NFXL1: variants seen among roughly 807,000 people sequenced by gnomAD.
NFXL1 encodes NF-X1-type zinc finger protein NFXL1.
A neutral mutation model predicts 123.3 loss-of-function variants in NFXL1; 66 were observed. The ratio of observed to expected loss-of-function variants is 0.54; its 90% CI spans 0.44 to 0.66. The LOEUF is 0.66. Ranked by LOEUF, NFXL1 falls within the 30% of genes least tolerant of loss-of-function variation. The pLI, the probability that NFXL1 is intolerant of heterozygous loss-of-function variation, is 0.00. For synonymous variants in NFXL1, 346 were observed against 360.8 expected (o/e 0.96, Z 0.46); for missense variants, 944 against 1,125.6 (o/e 0.84, Z 2.31).
Position 47,896,558 on chromosome 4 carries a change from G to A in NFXL1, c.1294C>T (p.Arg432Cys), listed in dbSNP as rs35139099. The A allele has an allele frequency of 3.3e-3, 5,323 of 1,612,942 alleles. 13 individuals carry two copies. Among genetic ancestry groups the A allele is most frequent in the Non-Finnish European group, 4.1e-3 (4,891 of 1,179,054 alleles). ...LECGIHRCSQRCHRGPCETCR... is the reference protein window; with the variant it reads ...LECGIHRCSQCCHRGPCETCR... The stretch of plus-strand genomic sequence containing the variant: ...GTTTCACAGGGACCTCGGTGACAAC[G>A]CTGTGAACATCTATGGATTCCGCAT... The change falls in exon 10 of 23, where the codon CGT becomes TGT. Residue 432 changes from arginine to cysteine, a missense_variant. By Grantham distance (180) the Arg-to-Cys change is radical. Transcript: ENST00000507489.
chr4:47,900,791 C>T (rs73145947), intron 5 of NFXL1, among the ~76,000 whole-genome samples: 4,279 of 152,196 alleles, frequency 0.028, 219 homozygotes, highest in African/African-American at 0.099. Flanking sequence ...TTCATTGTCA[C>T]GAGAACATGT....
chr4:47,904,411 C>A (rs574601669), intron 4 of NFXL1, among the ~76,000 whole-genome samples: 1 of 152,310 alleles, frequency 6.6e-6, no homozygotes, highest in African/African-American at 2.4e-5. Flanking sequence ...AACGCACACA[C>A]ACAGCAAATG....
intron 19 of NFXL1, among the ~76,000 whole-genome samples, chr4:47,861,740 C>T (rs1188178143): frequency 1.3e-5 from 2 of 152,168 alleles, no homozygotes; most frequent in Non-Finnish European, 2.9e-5. Context: ...CCATTTATTA[C>T]TTCAAATGGC....
At position 47,851,091 on chromosome 4, in the gene NFXL1, T is replaced by C; in HGVS notation, c.2562+4A>G. 1 of 1,607,608 alleles carries C rather than the reference T, an allele frequency of 6.2e-7. No homozygotes were observed. Among genetic ancestry groups the C allele is most frequent in the East Asian group, 2.2e-5 (1 of 44,780 alleles). On this transcript the variant is annotated splice_donor_region_variant and intron_variant, in intron 22 of 22. Transcript: ENST00000507489. ...ACATAAATCTGGGTATTTTGTTTGG[T>C]TACCTGTTGTCTTCGTTTTTCTTCT...
Position 47,875,430 on chromosome 4 carries a change from T to C in NFXL1, c.2080-137A>G, listed in dbSNP as rs551433047. 7 of 519,580 alleles carry C rather than the reference T, an allele frequency of 1.3e-5. No homozygotes were observed. In the African/African-American group the frequency reaches 1.4e-4, roughly 10 times the overall value. The allele number at this position is 519,580 out of a possible 1,614,324, so 32.2% of individuals were successfully genotyped here. On this transcript the variant is annotated intron_variant, in intron 17 of 22. Transcript: ENST00000507489. Reference sequence around the variant, plus strand: ...CTTAGAAACAGAGTTAATCAAACGGTACATGCTCTCATTTATCTTAAAAAT... The same window carrying C: ...CTTAGAAACAGAGTTAATCAAACGGCACATGCTCTCATTTATCTTAAAAAT...
At chr4:47,870,946 G>A (rs1462081003) in intron 18 of NFXL1, among the ~76,000 whole-genome samples, 2 of 152,188 alleles carry the variant, frequency 1.3e-5, no homozygotes, top group Non-Finnish European at 2.9e-5. Context: ...TCAAAATGAT[G>A]GCGAAGGACC....
intron 10 of NFXL1, 49 bp from the exon 11 acceptor site, chr4:47,894,351 T>C: frequency 7.2e-7 from 1 of 1,384,310 alleles, no homozygotes; most frequent in Non-Finnish European, 9.8e-7. Flanking sequence ...GTTAATATTT[T>C]TTCCTCACAT....
At chr4:47,864,004 A>G (rs1734914175) in intron 18 of NFXL1, among the ~76,000 whole-genome samples, 1 of 152,202 alleles carries the variant, frequency 6.6e-6, no homozygotes, top group African/African-American at 2.4e-5. Flanking sequence ...AATGTTAATT[A>G]AAACTATTAT....
chr4:47,896,439 A>G, intron 10 of NFXL1, 84 bp downstream of exon 10: 2 of 1,055,564 alleles, frequency 1.9e-6, no homozygotes, highest in Non-Finnish European at 2.8e-6. Context: ...GAAAATAAGT[A>G]ATAGAAAACA....
At chr4:47,884,776 C>T (rs1401160981) in intron 14 of NFXL1, among the ~76,000 whole-genome samples, 1 of 152,130 alleles carries the variant, frequency 6.6e-6, no homozygotes, top group African/African-American at 2.4e-5. Context: ...ATTTTACTCA[C>T]TGTTGTTCCT....
chr4:47,907,561 A>G (rs1473940926), intron 3 of NFXL1, among the ~76,000 whole-genome samples: 1 of 152,186 alleles, frequency 6.6e-6, no homozygotes, highest in East Asian at 1.9e-4. Context: ...CACTAATGTT[A>G]AGGTGGGAAC....
chr4:47,857,972 C>A (rs909513444), intron 19 of NFXL1, among the ~76,000 whole-genome samples: 1 of 152,182 alleles, frequency 6.6e-6, no homozygotes, highest in African/African-American at 2.4e-5. Context: ...TCCATATACT[C>A]CCCACAACGT....
intron 18 of NFXL1, among the ~76,000 whole-genome samples, chr4:47,871,412 C>T (rs571560471): frequency 6.6e-6 from 1 of 151,958 alleles, no homozygotes; most frequent in South Asian, 2.1e-4. Context: ...GGTTTCTATG[C>T]TCTAGAATAC....
chr4:47,877,493 C>A (rs183088697), intron 17 of NFXL1, among the ~76,000 whole-genome samples: 2 of 151,984 alleles, frequency 1.3e-5, no homozygotes, highest in Non-Finnish European at 2.9e-5. Context: ...TGACTCACTC[C>A]GTATTCTGGA....
chr4:47,886,169 G>C (rs1736418485), intron 12 of NFXL1, among the ~76,000 whole-genome samples, 170 bp from the exon 13 acceptor site: 1 of 152,118 alleles, frequency 6.6e-6, no homozygotes, highest in South Asian at 2.1e-4. Context: ...CAGACACAAG[G>C]AGTACATAGT....
chr4:47,859,628 T>G (rs1227257485), intron 19 of NFXL1, among the ~76,000 whole-genome samples: 3 of 151,002 alleles, frequency 2.0e-5, no homozygotes, highest in African/African-American at 7.3e-5. Context: ...AAACCACGAG[T>G]TCAGGGGTTC....
chr4:47,902,894 G>T (rs1418178037), intron 5 of NFXL1, among the ~76,000 whole-genome samples: 1 of 152,164 alleles, frequency 6.6e-6, no homozygotes, highest in South Asian at 2.1e-4. Context: ...GTGGTGGCGT[G>T]CCAGCCTAGT....
intron 11 of NFXL1, 47 bp downstream of exon 11, chr4:47,894,133 T>C: frequency 6.7e-7 from 1 of 1,496,172 alleles, no homozygotes; most frequent in Non-Finnish European, 9.0e-7. Context: ...AATGGAGAAA[T>C]TCAATATAGT....
intron 2 of NFXL1, among the ~76,000 whole-genome samples, chr4:47,912,559 C>G (rs1476779131): frequency 6.7e-6 from 1 of 149,478 alleles, no homozygotes; most frequent in African/African-American, 2.4e-5. Flanking sequence ...CCCGGGCTCA[C>G]GCCATTCTCC....
Sources: gnomAD v4.1 joint callset for allele counts (sites outside exome capture counted in the v4.1 genomes callset) on GRCh38, gnomAD v4.1.1 for gene constraint, MANE v1.5 for transcripts, NCBI Gene and HGNC (gene_info 2026-07-23, HGNC 2026-07-21) for gene names.